Variants in IL36B observed in about 807,000 individuals in gnomAD.
IL36B encodes the protein interleukin 36 beta.
A neutral mutation model predicts 19.3 loss-of-function variants in IL36B; 23 were observed. The ratio of observed to expected loss-of-function variants is 1.19; its 90% CI spans 0.86 to 1.69. The LOEUF (loss-of-function observed/expected upper bound fraction) is 1.69, where lower values mean the gene tolerates loss of function less well. IL36B is among the 40% of genes most tolerant of loss of function. The probability of loss-of-function intolerance (pLI) is 0.00; values close to 1 mark genes in which losing one functional copy is unlikely to be tolerated. For missense variants in IL36B, 217 were observed against 200.5 expected (o/e 1.08, Z -0.50); for synonymous variants, 59 against 59.7 (o/e 0.99, Z 0.05).
At position 113,032,593 on chromosome 2, in the gene IL36B, C is replaced by T. The variant is rs941940403; in HGVS notation, c.-57-827G>A. ...TTTGACAAGACTCCCAGAGGCACTT[C>T]GAGGCTAAACACAGAGACATGAAAG... is the stretch of plus-strand genomic sequence containing the variant. On this transcript the variant is annotated intron_variant, in intron 1 of 5. Coordinates refer to ENST00000259213, the MANE Select transcript of IL36B (RefSeq NM_014438.5). Among the ~76,000 whole-genome samples the T allele has an allele frequency of 4.6e-5, 7 of 152,244 alleles. No individual in the cohort carries two copies. The East Asian group carries it at 7.7e-4, about 17-fold the overall frequency.
intron 1 of IL36B, among the ~76,000 whole-genome samples, chr2:113,034,486 CTATT>C (rs58701438): frequency 1.3e-5 from 2 of 151,482 alleles, no homozygotes; most frequent in Admixed American, 1.3e-4. Context: ...ATTTATCCAT[CTATT>C]TATTTATTTA....
chr2:113,049,613 A>G (rs1416431356), intron 1 of IL36B, among the ~76,000 whole-genome samples: 1 of 152,228 alleles, frequency 6.6e-6, no homozygotes, highest in Non-Finnish European at 1.5e-5. Flanking sequence ...ACCCATTAAG[A>G]TGGTTGCTAT....
At chr2:113,037,529 G>A (rs1573372431) in intron 1 of IL36B, among the ~76,000 whole-genome samples, 1 of 152,050 alleles carries the variant, frequency 6.6e-6, no homozygotes, top group Admixed American at 6.6e-5. Flanking sequence ...CATGCTTGTA[G>A]TCCCAGCTAC....
At chr2:113,044,146 G>A (rs953417189) in intron 1 of IL36B, among the ~76,000 whole-genome samples, 6 of 152,016 alleles carry the variant, frequency 3.9e-5, no homozygotes, top group Non-Finnish European at 5.9e-5. Flanking sequence ...CTTTCTTTTA[G>A]CAATATTTTA....
At chr2:113,032,236 C>T (rs975834768) in intron 1 of IL36B, among the ~76,000 whole-genome samples, 12 of 151,790 alleles carry the variant, frequency 7.9e-5, no homozygotes, top group Non-Finnish European at 1.5e-5. Flanking sequence ...GCTGAACACT[C>T]CTAAGTAATT....
chr2:113,026,217 C>T lies in IL36B; in HGVS notation c.277G>A (p.Asp93Asn). ...CAGCAAGTGTCCTTCCCTATGTTATCTTGGGAGCCCTGAAGCTGGAAGAGA... is the reference window on the plus strand; with the variant it reads ...CAGCAAGTGTCCTTCCCTATGTTATTTTGGGAGCCCTGAAGCTGGAAGAGA... The change falls in exon 5 of 6, where the codon GAT becomes AAT. Residue 93 changes from aspartate to asparagine, a missense_variant. Coordinates refer to ENST00000259213, the MANE Select transcript of IL36B (RefSeq NM_014438.5). 1.9e-6 allele frequency: 3 copies of T among 1,613,774 alleles called. No homozygotes were observed. Among genetic ancestry groups the T allele is most frequent in the Middle Eastern group, 1.7e-4 (1 of 6,060 alleles).
At chr2:113,026,586 T>A (rs958473802) in intron 4 of IL36B, among the ~76,000 whole-genome samples, 2 of 152,236 alleles carry the variant, frequency 1.3e-5, no homozygotes, top group African/African-American at 4.8e-5. Context: ...TTTATTGCAG[T>A]ATACATGTAC....
chr2:113,036,054 C>T lies in IL36B; in HGVS notation c.-57-4288G>A, dbSNP rs369546825. Among the ~76,000 whole-genome samples the T allele has an allele frequency of 1.3e-3, 199 of 152,298 alleles. 9 individuals carry two copies. The South Asian group carries it at 0.04, about 30-fold the overall frequency. On this transcript the variant is annotated intron_variant, in intron 1 of 5. Transcript: ENST00000259213. ...GCCCCACCCGGGTTCAAGAAATTCT[C>T]CTGCCTCAGCCTCCCAAGTAGCTGG...
At chr2:113,048,867 G>T (rs192706791) in intron 1 of IL36B, among the ~76,000 whole-genome samples, 193 of 152,226 alleles carry the variant, frequency 1.3e-3, no homozygotes, top group African/African-American at 4.5e-3. Flanking sequence ...ACCAACATTT[G>T]GAAAGCCAAA....
rs138440701 is a variant in IL36B, at chr2:113,026,166, T to C, written c.328A>G (p.Ile110Val). 0.016 allele frequency: 25,238 copies of C among 1,613,964 alleles called. 251 individuals carry two copies. The highest frequency in any genetic ancestry group is 0.024 in the Middle Eastern group (144 of 6,062). Residue 110 changes from isoleucine to valine, a missense_variant, in exon 5 of 6, where the codon ATA becomes GTA. By Grantham distance (29) the Ile-to-Val change is conservative (BLOSUM62 3). Transcript: ENST00000259213. The stretch of plus-strand genomic sequence containing the variant: ...CAGCTCTCTCTCACATCCAGGTTTA[T>C]GCATGTGTGAATTCCAACTAGTTTC...
intron 1 of IL36B, among the ~76,000 whole-genome samples, chr2:113,050,424 T>C (rs1042106700): frequency 6.6e-6 from 1 of 151,436 alleles, no homozygotes; most frequent in Non-Finnish European, 1.5e-5. Flanking sequence ...GAAAGTAAAA[T>C]GGTGGTTGCC....
chr2:113,045,362 G>A (rs1477209113), intron 1 of IL36B, among the ~76,000 whole-genome samples: 2 of 151,970 alleles, frequency 1.3e-5, no homozygotes, highest in African/African-American at 2.4e-5. Context: ...GTATTTGTAT[G>A]CATTGTGTCC....
At chr2:113,029,266 T>C (rs1352003568) in intron 3 of IL36B, among the ~76,000 whole-genome samples, 188 bp from the exon 4 acceptor site, 1 of 152,192 alleles carries the variant, frequency 6.6e-6, no homozygotes, top group Non-Finnish European at 1.5e-5. Context: ...CACCAGGACA[T>C]GTTGCTTCCC....
chr2:113,045,126 G>C (rs889026397), intron 1 of IL36B, among the ~76,000 whole-genome samples: 5 of 151,836 alleles, frequency 3.3e-5, no homozygotes, highest in African/African-American at 1.2e-4. Context: ...ATCATTTCTG[G>C]AGCTTATTTT....
chr2:113,040,057 G>A (rs1685227912), intron 1 of IL36B, among the ~76,000 whole-genome samples: 1 of 152,232 alleles, frequency 6.6e-6, no homozygotes, highest in African/African-American at 2.4e-5. Flanking sequence ...TAAGGGAACA[G>A]ATGTGACTCC....
At position 113,031,767 on chromosome 2, in the gene IL36B, C is replaced by G; in HGVS notation, c.-57-1G>C. 1.4e-6 allele frequency: 2 copies of G among 1,393,974 alleles called. No homozygotes were observed. The highest frequency in any genetic ancestry group is 2.0e-6 in the Non-Finnish European group (2 of 985,402). 86.4% of individuals were successfully genotyped at this position (1,393,974 alleles called of 1,614,324 possible). The stretch of plus-strand genomic sequence containing the variant: ...GATAGATCAGATGGTGGTGAGGAGG[C>G]TGTTAACAGTTGGCCATGTGAGAGA... On this transcript the variant is annotated splice_acceptor_variant, in intron 1 of 5. Transcript: ENST00000259213. LOFTEE classifies it low-confidence loss of function (5UTR_SPLICE).
rs1684957580 is a variant in IL36B at position 113,026,193 on chromosome 2, A to T, written c.301T>A (p.Trp101Arg). ...CATGTGTGAATTCCAACTAGTTTCC[A>T]GCAAGTGTCCTTCCCTATGTTATCT... The change falls in exon 5 of 6, where the codon TGG (tryptophan) becomes AGG (arginine). Residue 101 changes from tryptophan to arginine, a missense_variant. Trp to Arg is a moderately radical substitution (Grantham distance 101). Transcript: ENST00000259213. The T allele has an allele frequency of 2.5e-6, 4 of 1,613,924 alleles. No individual in the cohort carries two copies. In the East Asian group the frequency reaches 8.9e-5, roughly 36 times the overall value.
chr2:113,032,694 C>T (rs923426434), intron 1 of IL36B, among the ~76,000 whole-genome samples: 6 of 152,186 alleles, frequency 3.9e-5, no homozygotes, highest in African/African-American at 1.4e-4. Context: ...GTTTCAAAGT[C>T]AAGGCTCTAG....
chr2:113,031,753 T>C lies in IL36B; in HGVS notation c.-44A>G, dbSNP rs2105044899. 6.5e-7 allele frequency: 1 copy of C among 1,540,990 alleles called. No homozygotes were observed. The highest frequency in any genetic ancestry group is 9.0e-7 in the Non-Finnish European group (1 of 1,115,966). Reference sequence around the variant, plus strand: ...TGTGAAGAGAACAAGATAGATCAGATGGTGGTGAGGAGGCTGTTAACAGTT... The same window carrying C: ...TGTGAAGAGAACAAGATAGATCAGACGGTGGTGAGGAGGCTGTTAACAGTT... On this transcript the variant is annotated 5_prime_UTR_variant, in exon 2 of 6. Transcript: ENST00000259213.
Sources: allele counts gnomAD v4.1 joint callset (sites outside exome capture counted in the v4.1 genomes callset), GRCh38; gene constraint gnomAD v4.1.1; transcripts MANE v1.5; gene names NCBI Gene and HGNC (gene_info 2026-07-23, HGNC 2026-07-21).